ATXN7: variants seen among roughly 807,000 people sequenced by gnomAD.
ATXN7 encodes ataxin 7.
ATXN7 carries 12 observed loss-of-function variants against 70.5 expected under a neutral mutation model. That is an observed-to-expected ratio of 0.17 (90% CI 0.11 to 0.28). The LOEUF is 0.28. Ranked by LOEUF, ATXN7 falls within the 10% of genes least tolerant of loss-of-function variation. The pLI is 1.00. For missense variants in ATXN7, 1,256 were observed against 1,131.7 expected (o/e 1.11, Z -1.58); for synonymous variants, 498 against 448.7 (o/e 1.11, Z -1.39).
intron 4 of ATXN7, among the ~76,000 whole-genome samples, chr3:63,929,477 T>G (rs927925927): frequency 1.3e-5 from 2 of 152,120 alleles, no homozygotes; most frequent in African/African-American, 2.4e-5. Context: ...TTCACCATGT[T>G]GGCCACGATG....
At chr3:63,930,964 T>G (rs1378581153) in intron 4 of ATXN7, among the ~76,000 whole-genome samples, 1 of 152,262 alleles carries the variant, frequency 6.6e-6, no homozygotes, top group African/African-American at 2.4e-5. Context: ...TTGTTAAATA[T>G]GGCTGTTGAT....
At chr3:63,956,835 G>T (rs1365139192) in intron 5 of ATXN7, among the ~76,000 whole-genome samples, 1 of 152,218 alleles carries the variant, frequency 6.6e-6, no homozygotes, top group Admixed American at 6.5e-5. Flanking sequence ...TGTGTATTAT[G>T]TGCTGCAAAT....
chr3:63,914,979 G>A (rs963718337), intron 4 of ATXN7, among the ~76,000 whole-genome samples: 1 of 151,488 alleles, frequency 6.6e-6, no homozygotes, highest in Non-Finnish European at 1.5e-5. Flanking sequence ...GCAGTGGTGC[G>A]ATCTTGGCTC....
chr3:63,916,292 GT>G (rs1704266353), intron 4 of ATXN7, among the ~76,000 whole-genome samples: 1 of 152,120 alleles, frequency 6.6e-6, no homozygotes, highest in African/African-American at 2.4e-5. Flanking sequence ...TAGGTACAGG[GT>G]TTTAAAATCT....
intron 10 of ATXN7, 171 bp from the exon 11 acceptor site, chr3:63,990,567 C>A: frequency 1.6e-6 from 2 of 1,242,114 alleles, no homozygotes; most frequent in Non-Finnish European, 2.3e-6. Context: ...TTTTCCCTTT[C>A]TCTTCCATGA....
intron 4 of ATXN7, among the ~76,000 whole-genome samples, chr3:63,922,194 C>T (rs773183656): frequency 2.0e-5 from 3 of 152,040 alleles, no homozygotes; most frequent in Non-Finnish European, 4.4e-5. Context: ...TGCACACTAC[C>T]ATGCCCGGCT....
At chr3:63,863,516 C>T (rs1702289402), upstream of ATXN7, 1 of 1,189,282 alleles carries the variant, frequency 8.4e-7, no homozygotes, top group Admixed American at 4.5e-5. Context: ...TATAGCCCCG[C>T]GCTGCCTCCG....
intron 4 of ATXN7, among the ~76,000 whole-genome samples, chr3:63,939,434 A>G (rs113603156): frequency 1.1e-4 from 17 of 152,236 alleles, no homozygotes; most frequent in African/African-American, 3.9e-4. Flanking sequence ...TCCCTTCCCC[A>G]TACTATAGTC....
At chr3:63,978,297 C>T (rs894246252) in intron 5 of ATXN7, among the ~76,000 whole-genome samples, 11 of 152,140 alleles carry the variant, frequency 7.2e-5, no homozygotes, top group Admixed American at 2.0e-4. Context: ...CAAAATCACT[C>T]CTTTTCACAA....
rs761689419 is a variant in ATXN7 at position 63,995,494 on chromosome 3, AT to A, written c.1683-4del. The A allele has an allele frequency of 5.1e-5, 82 of 1,613,264 alleles. No homozygotes were observed. The highest frequency in any genetic ancestry group is 6.4e-5 in the Non-Finnish European group (75 of 1,179,482). ...GGTCAGTGTCATTCACTGTCCTCTA[AT>A]TTTTTTCAGGAAAATCCCACCAGTG... is the stretch of plus-strand genomic sequence containing the variant. On this transcript the variant is annotated splice_polypyrimidine_tract_variant and intron_variant, in intron 11 of 12. Transcript: ENST00000674280.
chr3:63,953,650 A>G (rs1213438924), intron 5 of ATXN7, among the ~76,000 whole-genome samples: 6 of 150,024 alleles, frequency 4.0e-5, no homozygotes, highest in African/African-American at 1.5e-4. Flanking sequence ...TAGCTTTGAG[A>G]TACTTCTTTT....
intron 8 of ATXN7, among the ~76,000 whole-genome samples, chr3:63,985,813 C>T (rs751767276): frequency 1.3e-5 from 2 of 152,278 alleles, no homozygotes; most frequent in East Asian, 1.9e-4. Flanking sequence ...CTTTTTATTA[C>T]GTACATCTGT....
intron 1 of ATXN7, among the ~76,000 whole-genome samples, chr3:63,875,053 A>T (rs1032715491): frequency 2.0e-5 from 3 of 152,094 alleles, no homozygotes; most frequent in Non-Finnish European, 4.4e-5. Flanking sequence ...TCATGACCTA[A>T]TCACCCTGCA....
chr3:63,863,945 C>G lies in ATXN7; in HGVS notation c.-324C>G. The G allele has an allele frequency of 7.2e-6, 1 of 138,468 alleles. No homozygotes were observed. The highest frequency in any genetic ancestry group is 2.6e-4 in the South Asian group (1 of 3,866). The allele number at this position is 138,468 out of a possible 1,614,324, so 8.6% of individuals were successfully genotyped here. A position where few individuals can be genotyped will look rare whatever the true frequency, so the allele number is the denominator to read the frequency against. On this transcript the variant is annotated 5_prime_UTR_variant, in exon 1 of 13. Coordinates refer to ENST00000674280, the MANE Select transcript of ATXN7 (RefSeq NM_001377405.1). ...GCCTGCTCCGACGCCTGAGCCGCGC[C>G]GCGCCGCGCCGCCGCCGCCGCCGCC... is the stretch of plus-strand genomic sequence containing the variant.
chr3:63,949,690 G>A (rs954119132), intron 4 of ATXN7, among the ~76,000 whole-genome samples: 1 of 152,136 alleles, frequency 6.6e-6, no homozygotes, highest in Non-Finnish European at 1.5e-5. Context: ...GAGCCACCGC[G>A]CCTGGCCCAG....
rs2107296199 is a variant in ATXN7, at chr3:63,912,677, G to C, written c.79G>C (p.Ala27Pro). 2 of 1,029,794 alleles carry C rather than the reference G, an allele frequency of 1.9e-6. No individual in the cohort carries two copies. The highest frequency in any genetic ancestry group is 2.4e-6 in the Non-Finnish European group (2 of 850,150). The allele number at this position is 1,029,794 out of a possible 1,614,324, so 63.8% of individuals were successfully genotyped here. ...AAAAGGAAAA[A>P]ARQQQQQQQQ... ...GGCGGCGGGCGGAGCAGCGGCCGCGGCCGCCCGGCAGCAGCAGCAGCAGCA... is the reference window on the plus strand; with the variant it reads ...GGCGGCGGGCGGAGCAGCGGCCGCGCCCGCCCGGCAGCAGCAGCAGCAGCA... Residue 27 changes from alanine (A) to proline (P), a missense_variant, in exon 3 of 13, where the codon GCC becomes CCC. By Grantham distance (27) the Ala-to-Pro change is conservative. Coordinates refer to ENST00000674280, the MANE Select transcript of ATXN7 (RefSeq NM_001377405.1).
At chr3:63,979,555 A>G (rs2075451197) in intron 5 of ATXN7, among the ~76,000 whole-genome samples, 1 of 152,238 alleles carries the variant, frequency 6.6e-6, no homozygotes, top group African/African-American at 2.4e-5. Context: ...AGCTCTGCAG[A>G]TGAATGAATA....
At chr3:63,919,105 T>C (rs886518001) in intron 4 of ATXN7, among the ~76,000 whole-genome samples, 2 of 152,208 alleles carry the variant, frequency 1.3e-5, no homozygotes, top group African/African-American at 4.8e-5. Flanking sequence ...CCTGCATGGT[T>C]TTTGCATTGC....
intron 1 of ATXN7, chr3:63,864,817 C>G (rs746324599): frequency 6.6e-6 from 1 of 152,254 alleles, no homozygotes. Flanking sequence ...GTTTGGAGCA[C>G]ACTGCAAATT....
Sources: allele counts gnomAD v4.1 joint callset (sites outside exome capture counted in the v4.1 genomes callset), GRCh38; gene constraint gnomAD v4.1.1; transcripts MANE v1.5; gene names NCBI Gene and HGNC (gene_info 2026-07-23, HGNC 2026-07-21).